MPPE1: variants seen among roughly 807,000 people sequenced by gnomAD.
MPPE1 encodes metallophosphoesterase 1, also known as metallo phosphoesterase.
MPPE1 carries 28 observed loss-of-function variants against 43.8 expected under a neutral mutation model. That is an observed-to-expected ratio of 0.64 (90% CI 0.47 to 0.88). The LOEUF (loss-of-function observed/expected upper bound fraction) is 0.88, where lower values mean the gene tolerates loss of function less well. Among genes scored for constraint, MPPE1 ranks in the 40% least tolerant of loss-of-function variants. MPPE1 has a pLI of 0.00. For missense variants in MPPE1, 428 were observed against 492.2 expected, an observed-to-expected ratio of 0.87 and a Z score of 1.23; for synonymous variants, 159 against 188.5, an observed-to-expected ratio of 0.84 and a Z score of 1.28.
chr18:11,894,701 C>A (rs979917094), intron 3 of MPPE1, among the ~76,000 whole-genome samples: 1 of 152,134 alleles, frequency 6.6e-6, no homozygotes, highest in Non-Finnish European at 1.5e-5. Flanking sequence ...AATGATTCTT[C>A]CGCCTCAGCC....
intron 2 of MPPE1, among the ~76,000 whole-genome samples, chr18:11,903,578 G>A (rs1220295602): frequency 4.6e-5 from 7 of 151,998 alleles, no homozygotes; most frequent in Admixed American, 1.3e-4. Context: ...AGGCCGAGGC[G>A]GGCGGATCAC....
chr18:11,897,933 A>G (rs1276047980), intron 2 of MPPE1, among the ~76,000 whole-genome samples: 1 of 152,260 alleles, frequency 6.6e-6, no homozygotes, highest in South Asian at 2.1e-4. Context: ...TTGCAAAATT[A>G]TAACAGTAAC....
chr18:11,907,433 G>T (rs2143546301), intron 1 of MPPE1, among the ~76,000 whole-genome samples: 1 of 152,170 alleles, frequency 6.6e-6, no homozygotes, highest in Non-Finnish European at 1.5e-5. Flanking sequence ...CGACCACCTT[G>T]CGTACGCGTT....
chr18:11,900,778 A>G (rs192176313), intron 2 of MPPE1, among the ~76,000 whole-genome samples: 4,417 of 151,712 alleles, frequency 0.029, 87 homozygotes, highest in Non-Finnish European at 0.044. Context: ...GTGGTGGCAG[A>G]CGCCTGTAGT....
At chr18:11,898,641 T>A (rs1022745056) in intron 2 of MPPE1, among the ~76,000 whole-genome samples, 2 of 152,158 alleles carry the variant, frequency 1.3e-5, no homozygotes, top group Non-Finnish European at 2.9e-5. Flanking sequence ...TTTTTCAGAC[T>A]TTCGGGCAAC....
rs750941650 is a variant in MPPE1, at chr18:11,886,955, G to C, written c.640C>G (p.Leu214Val). The C allele has an allele frequency of 6.2e-7, 1 of 1,613,704 alleles. No individual in the cohort carries two copies. Among genetic ancestry groups the C allele is most frequent in the South Asian group, 1.1e-5 (1 of 91,074 alleles). ...CGICSETEAE[L>V]IEVSHRLNCS... is the part of the protein sequence containing the mutation. ...TTCAGTCTGTGAGAAACTTCAATGA[G>C]CTCTGCTTCTGTTTCAGAGCAGATG... The change falls in exon 7 of 11, where the codon CTC (leucine) becomes GTC (valine). Residue 214 changes from leucine (L) to valine (V), a missense_variant. Around this residue, in one of 3 missense-constraint regions of MPPE1, gnomAD observed 379 missense variants for 402.5 expected, o/e 0.94. Transcript: ENST00000588072. This position sits in a 1 kb window ranked among gnomAD's most constrained non-coding sequence, Gnocchi z 4.1.
At chr18:11,903,814 AAAAAAAC>A (rs2143302762) in intron 2 of MPPE1, among the ~76,000 whole-genome samples, 1 of 142,082 alleles carries the variant, frequency 7.0e-6, no homozygotes, top group East Asian at 2.0e-4. Context: ...TCAAAAAAAC[AAAAAAAC>A]AAAAACAAAA....
intron 10 of MPPE1, 125 bp from the exon 11 acceptor site, chr18:11,884,752 T>C: frequency 7.8e-7 from 1 of 1,280,020 alleles, no homozygotes. Flanking sequence ...GAACGGGCCC[T>C]CCTCACCTGA....
At position 11,886,574 on chromosome 18, in the gene MPPE1, G is replaced by C. The variant is rs201942248; in HGVS notation, c.792C>G (p.Asp264Glu). The C allele has an allele frequency of 6.2e-7, 1 of 1,614,196 alleles. No individual in the cohort carries two copies. Among genetic ancestry groups the C allele is most frequent in the South Asian group, 1.1e-5 (1 of 91,088 alleles). ...TGTCCCTTTCCTCTGCAGGAGCAGC[G>C]TCTTCCCCAGAACAGTTAGCATCAC... is the stretch of plus-strand genomic sequence containing the variant. ...RRSDANCSGEDAAPAEERDIP... is the reference protein window; with the variant it reads ...RRSDANCSGEEAAPAEERDIP... The change falls in exon 9 of 11, where the codon GAC (aspartate) becomes GAG (glutamate). Residue 264 changes from aspartate to glutamate, a missense_variant. Transcript: ENST00000588072. This position sits in a 1 kb window ranked among gnomAD's most constrained non-coding sequence, Gnocchi z 4.1.
chr18:11,885,844 C>T (rs762185958), intron 9 of MPPE1, 28 bp from the exon 10 acceptor site: 7 of 1,586,226 alleles, frequency 4.4e-6, no homozygotes, highest in Non-Finnish European at 6.0e-6. Context: ...GACAGCAAAG[C>T]AGGCTGTTAG....
At chr18:11,904,263 C>T (rs1351507260) in intron 2 of MPPE1, among the ~76,000 whole-genome samples, 1 of 152,076 alleles carries the variant, frequency 6.6e-6, no homozygotes, top group Non-Finnish European at 1.5e-5. Context: ...CCTGAGAAGA[C>T]CCTAATAACC....
chr18:11,900,901 C>G (rs1158605424), intron 2 of MPPE1, among the ~76,000 whole-genome samples: 1 of 138,468 alleles, frequency 7.2e-6, no homozygotes, highest in East Asian at 2.0e-4. Context: ...AGCAAGACTC[C>G]GTCTCATTAA....
At chr18:11,900,695 C>G (rs971724836) in intron 2 of MPPE1, among the ~76,000 whole-genome samples, 1 of 152,038 alleles carries the variant, frequency 6.6e-6, no homozygotes, top group Non-Finnish European at 1.5e-5. Flanking sequence ...ATCACGAGGT[C>G]AGGAGATCGA....
chr18:11,896,740 G>C (rs992927492), intron 3 of MPPE1, among the ~76,000 whole-genome samples: 3 of 152,194 alleles, frequency 2.0e-5, no homozygotes, highest in African/African-American at 7.2e-5. Flanking sequence ...GGGGCTCAGA[G>C]GGGCCCTAAC....
intron 6 of MPPE1, 96 bp downstream of exon 6, chr18:11,888,573 C>T (rs2037603712): frequency 8.3e-6 from 6 of 723,368 alleles, no homozygotes; most frequent in East Asian, 5.7e-5. Flanking sequence ...CTAAACAGAA[C>T]GCAGGTAGAT....
At chr18:11,888,883 A>G (rs1164933086) in intron 5 of MPPE1, 140 bp from the exon 6 acceptor site, 2 of 521,088 alleles carry the variant, frequency 3.8e-6, no homozygotes, top group African/African-American at 4.0e-5. Flanking sequence ...TGGCCCCAGG[A>G]TAGCAAAGCT....
rs1449197963 is a variant in MPPE1 at position 11,884,278 on chromosome 18, A to C, written c.*167T>G. On this transcript the variant is annotated 3_prime_UTR_variant, in exon 11 of 11. Coordinates refer to ENST00000588072, the MANE Select transcript of MPPE1 (RefSeq NM_023075.6). ...CTGTCCACTTTTATAGCATGAGAAC[A>C]GTACAATCAACTATTTATTTTGCAG... The C allele has an allele frequency of 4.6e-6, 3 of 655,230 alleles. No individual in the cohort carries two copies. The highest frequency in any genetic ancestry group is 5.5e-5 in the Admixed American group (2 of 36,360). 40.6% of individuals were successfully genotyped at this position (655,230 alleles called of 1,614,324 possible). A position where few individuals can be genotyped will look rare whatever the true frequency, so the allele number is the denominator to read the frequency against.
chr18:11,894,510 T>C (rs892715505), intron 3 of MPPE1, among the ~76,000 whole-genome samples: 2 of 151,768 alleles, frequency 1.3e-5, no homozygotes, highest in African/African-American at 4.8e-5. Flanking sequence ...GCTCAATCCA[T>C]TGAAAAGCTG....
At chr18:11,894,156 T>C (rs777542078) in intron 3 of MPPE1, among the ~76,000 whole-genome samples, 32 of 152,118 alleles carry the variant, frequency 2.1e-4, no homozygotes, top group Admixed American at 4.6e-4. Context: ...AGGCTGGGTA[T>C]GGTGGCTCAT....
Sources: allele counts gnomAD v4.1 joint callset (sites outside exome capture counted in the v4.1 genomes callset), GRCh38; gene constraint gnomAD v4.1.1; regional missense constraint gnomAD v4.1.1; non-coding constraint Gnocchi (gnomAD v3.1); transcripts MANE v1.5; gene names NCBI Gene and HGNC (gene_info 2026-07-23, HGNC 2026-07-21).